The following SEMA3D variants were observed in gnomAD, a reference collection of about 807,000 sequenced individuals.
SEMA3D encodes the protein semaphorin 3D.
A neutral mutation model predicts 100.1 loss-of-function variants in SEMA3D; 84 were observed. The ratio of observed to expected loss-of-function variants is 0.84; its 90% CI spans 0.70 to 1.01. SEMA3D has a LOEUF of 1.01. Ranked by LOEUF, SEMA3D falls within the 50% of genes least tolerant of loss-of-function variation. The probability of loss-of-function intolerance (pLI) is 0.00; values close to 1 mark genes in which losing one functional copy is unlikely to be tolerated. For synonymous variants in SEMA3D, 312 were observed against 320.7 expected (o/e 0.97, Z 0.29); for missense variants, 875 against 934.1 (o/e 0.94, Z 0.82).
chr7:85,216,558 T>C, the SEMA3D span, among the ~76,000 whole-genome samples: 3 of 152,142 alleles, frequency 2.0e-5, no homozygotes, highest in East Asian at 5.8e-4. Flanking sequence ...TTTTTTTAAG[T>C]GCAAGATGGC....
At chr7:85,197,558 T>C in the SEMA3D span, among the ~76,000 whole-genome samples, 1 of 150,938 alleles carries the variant, frequency 6.6e-6, no homozygotes, top group Non-Finnish European at 1.5e-5. Flanking sequence ...CATGTGTCCC[T>C]AAAATGTATA....
chr7:85,134,118 A>C (rs1789796261), intron 2 of SEMA3D, among the ~76,000 whole-genome samples: 1 of 152,038 alleles, frequency 6.6e-6, no homozygotes, highest in African/African-American at 2.4e-5. Context: ...CCGAACTTCT[A>C]ATTCATTGAG....
intron 2 of SEMA3D, among the ~76,000 whole-genome samples, chr7:85,148,376 A>G (rs2116482289): frequency 1.3e-5 from 2 of 152,302 alleles, no homozygotes; most frequent in South Asian, 4.1e-4. Flanking sequence ...TGGCACTCAC[A>G]GTTTACTAAG....
At chr7:85,104,712 A>G (rs1788858298) in intron 3 of SEMA3D, among the ~76,000 whole-genome samples, 1 of 151,890 alleles carries the variant, frequency 6.6e-6, no homozygotes, top group African/African-American at 2.4e-5. Flanking sequence ...GAAATCTTGC[A>G]TTTATTGCCA....
chr7:85,147,092 C>CTTT lies in SEMA3D; in HGVS notation c.-41+6513_-41+6515dup, dbSNP rs752922884. Among the ~76,000 whole-genome samples, 224 of 48,146 alleles carry CTTT rather than the reference C, an allele frequency of 4.7e-3. 28 individuals are homozygous for CTTT. The highest frequency in any genetic ancestry group is 0.021 in the African/African-American group (216 of 10,282). The allele number at this position is 48,146 out of a possible 152,430, so 31.6% of individuals were successfully genotyped here. A position where few individuals can be genotyped will look rare whatever the true frequency, so the allele number is the denominator to read the frequency against. ...TCTTTCTTTCTTTTCTTTTTCTTTT[C>CTTT]TTTTTTTTTTTTTTTTTTTTTTTTT... On this transcript the variant is annotated intron_variant, in intron 2 of 18. Coordinates refer to ENST00000284136, the MANE Select transcript of SEMA3D (RefSeq NM_001384900.1).
chr7:85,144,016 CTTGTAAT>C (rs1408298238), intron 2 of SEMA3D, among the ~76,000 whole-genome samples: 7 of 151,780 alleles, frequency 4.6e-5, no homozygotes, highest in Admixed American at 6.6e-5. Flanking sequence ...TGGCCCGAGA[CTTGTAAT>C]TTTAAATTTT....
intron 1 of SEMA3D, among the ~76,000 whole-genome samples, chr7:85,156,925 T>G (rs941313818): frequency 6.6e-6 from 1 of 152,276 alleles, no homozygotes; most frequent in African/African-American, 2.4e-5. Flanking sequence ...TAAACATGCT[T>G]TGTTTGGAAT....
At chr7:85,074,662 C>T (rs572726209) in intron 5 of SEMA3D, among the ~76,000 whole-genome samples, 43 of 150,892 alleles carry the variant, frequency 2.8e-4, no homozygotes, top group Non-Finnish European at 5.2e-4. Context: ...TTGAGACAGG[C>T]TGCTGGAGTA....
At position 85,015,044 on chromosome 7, in the gene SEMA3D, C is replaced by T. The variant is rs778474002; in HGVS notation, c.1703+15G>A. 5 of 1,604,162 alleles carry T rather than the reference C, an allele frequency of 3.1e-6. No individual in the cohort carries two copies. Among genetic ancestry groups the T allele is most frequent in the Admixed American group, 3.4e-5 (2 of 59,680 alleles). ...TAGAAAGGAAGCCTTTATATTAACT[C>T]CATGTGCCTCTTACCTTTTAGAAGT... On this transcript the variant is annotated intron_variant, in intron 16 of 18. Coordinates refer to ENST00000284136, the MANE Select transcript of SEMA3D (RefSeq NM_001384900.1).
chr7:85,217,887 A>G, the SEMA3D span, among the ~76,000 whole-genome samples: 1 of 152,102 alleles, frequency 6.6e-6, no homozygotes, highest in African/African-American at 2.4e-5. Flanking sequence ...ATTTACATCA[A>G]TATAGTTTAA....
intron 3 of SEMA3D, among the ~76,000 whole-genome samples, chr7:85,109,218 G>T (rs1416557605): frequency 6.6e-6 from 1 of 151,816 alleles, no homozygotes; most frequent in Non-Finnish European, 1.5e-5. Flanking sequence ...TTCCAGATGA[G>T]AAAACCTAGA....
At chr7:85,078,155 C>G (rs1220112020) in intron 5 of SEMA3D, among the ~76,000 whole-genome samples, 2 of 152,110 alleles carry the variant, frequency 1.3e-5, no homozygotes, top group African/African-American at 4.8e-5. Flanking sequence ...CACCAGTTAT[C>G]TCTGGTTAGT....
intron 12 of SEMA3D, among the ~76,000 whole-genome samples, chr7:85,026,238 C>A (rs28698765): frequency 0.025 from 3,864 of 152,032 alleles, 182 homozygotes; most frequent in African/African-American, 0.088. Context: ...AATGAATGAA[C>A]AGAACTAGAG....
the SEMA3D span, among the ~76,000 whole-genome samples, chr7:85,226,218 A>C: frequency 0.31 from 47,472 of 151,730 alleles, 8,224 homozygotes; most frequent in African/African-American, 0.49. Flanking sequence ...CTTCGTTAAA[A>C]AAAAACTCTT....
At chr7:85,023,047 GAACA>G (rs1003032779) in intron 12 of SEMA3D, among the ~76,000 whole-genome samples, 60 of 151,764 alleles carry the variant, frequency 4.0e-4, no homozygotes, top group African/African-American at 5.1e-4. Flanking sequence ...AATAAAAAAG[GAACA>G]AACAGTTCAC....
intron 3 of SEMA3D, among the ~76,000 whole-genome samples, chr7:85,117,091 T>C (rs143249927): frequency 3.3e-5 from 5 of 152,306 alleles, no homozygotes; most frequent in Admixed American, 1.3e-4. Flanking sequence ...ACTAATACCA[T>C]GTAACTTCTG....
At chr7:85,066,709 G>A (rs1423573365) in intron 7 of SEMA3D, among the ~76,000 whole-genome samples, 1 of 151,922 alleles carries the variant, frequency 6.6e-6, no homozygotes, top group Non-Finnish European at 1.5e-5. Flanking sequence ...CAAATACATT[G>A]TTTTATCACT....
intron 9 of SEMA3D, among the ~76,000 whole-genome samples, chr7:85,054,953 C>T (rs1791266499): frequency 1.3e-5 from 2 of 152,034 alleles, no homozygotes; most frequent in South Asian, 4.1e-4. Flanking sequence ...TTTGATGGCA[C>T]AAAATGGAAG....
chr7:85,184,098 T>A (rs1020054327), intron 1 of SEMA3D, among the ~76,000 whole-genome samples: 2 of 152,230 alleles, frequency 1.3e-5, no homozygotes, highest in Non-Finnish European at 2.9e-5. Context: ...TCTGGGCTTA[T>A]CGATTTGATG....
Sources: gnomAD v4.1 joint callset for allele counts (sites outside exome capture counted in the v4.1 genomes callset) on GRCh38, gnomAD v4.1.1 for gene constraint, MANE v1.5 for transcripts, NCBI Gene and HGNC (gene_info 2026-07-23, HGNC 2026-07-21) for gene names.